STK38: variants seen among roughly 807,000 people sequenced by gnomAD.
The protein encoded by STK38 is serine/threonine kinase 38.
A neutral mutation model predicts 59.0 loss-of-function variants in STK38; 26 were observed. The ratio of observed to expected loss-of-function variants is 0.44; its 90% CI spans 0.32 to 0.61. The LOEUF is 0.61. Ranked by LOEUF, STK38 falls within the 20% of genes least tolerant of loss-of-function variation. The pLI, the probability that STK38 is intolerant of heterozygous loss-of-function variation, is 0.04. For missense variants in STK38, 433 were observed against 566.0 expected (o/e 0.76, Z 2.38); for synonymous variants, 175 against 176.6 (o/e 0.99, Z 0.07).
intron 7 of STK38, among the ~76,000 whole-genome samples, chr6:36,509,906 G>A (rs1777066002): frequency 6.6e-6 from 1 of 152,194 alleles, no homozygotes; most frequent in African/African-American, 2.4e-5. Flanking sequence ...CAGGTCGTCT[G>A]ACCATCTGCC....
chr6:36,537,430 C>A (rs1417959047), intron 2 of STK38, among the ~76,000 whole-genome samples: 2 of 152,070 alleles, frequency 1.3e-5, no homozygotes, highest in African/African-American at 4.8e-5. Flanking sequence ...CAAATGTTCA[C>A]AAGATTGGTA....
At chr6:36,544,043 C>A (rs532067540) in intron 1 of STK38, among the ~76,000 whole-genome samples, 17 of 152,138 alleles carry the variant, frequency 1.1e-4, no homozygotes, top group Non-Finnish European at 1.9e-4. Flanking sequence ...GCTTATAAAA[C>A]ACTTGTTCAA....
chr6:36,514,434 G>A (rs1421924755), intron 7 of STK38, among the ~76,000 whole-genome samples: 4 of 152,046 alleles, frequency 2.6e-5, no homozygotes, highest in Admixed American at 6.6e-5. Context: ...GAAAAATTCA[G>A]TCAAGACAAC....
At chr6:36,515,727 T>C (rs1229965590) in intron 6 of STK38, among the ~76,000 whole-genome samples, 2 of 152,324 alleles carry the variant, frequency 1.3e-5, no homozygotes, top group African/African-American at 4.8e-5. Context: ...TGATTTCTAT[T>C]TTACTTTTGA....
At chr6:36,542,614 A>ACCTGGGT in intron 1 of STK38, among the ~76,000 whole-genome samples, 1 of 152,060 alleles carries the variant, frequency 6.6e-6, no homozygotes, top group African/African-American at 2.4e-5. Context: ...ACTGCACTCC[A>ACCTGGGT]GACTGGGCTA....
At chr6:36,541,932 G>A (rs1374399130) in intron 1 of STK38, among the ~76,000 whole-genome samples, 4 of 151,030 alleles carry the variant, frequency 2.6e-5, no homozygotes, top group African/African-American at 7.3e-5. Context: ...AGGTTCAAGC[G>A]ATTCTCGTGT....
intron 12 of STK38, among the ~76,000 whole-genome samples, chr6:36,497,435 G>A (rs981617781): frequency 3.3e-5 from 5 of 152,064 alleles, no homozygotes; most frequent in Admixed American, 3.3e-4. Flanking sequence ...CTATGTTCCA[G>A]TGATACCTTC....
At position 36,523,696 on chromosome 6, in the gene STK38, G is replaced by A. The variant is rs138788286; in HGVS notation, c.306+645C>T. 2.4e-3 allele frequency among the ~76,000 whole-genome samples: 363 copies of A among 152,304 alleles called. 1 individual carries two copies. Among genetic ancestry groups the A allele is most frequent in the African/African-American group, 8.4e-3 (347 of 41,554 alleles). On this transcript the variant is annotated intron_variant, in intron 4 of 13. Transcript: ENST00000229812. ...TCTTTCAAGCTCTCCCCAACAGATT[G>A]CTCTTGTGCCCAAGCAGGATCATTT...
At position 36,499,962 on chromosome 6, in the gene STK38, T is replaced by C. The variant is rs1248711888; in HGVS notation, c.863A>G (p.Tyr288Cys). The change falls in exon 10 of 14, where the codon TAC (tyrosine) becomes TGC (cysteine). Residue 288 changes from tyrosine (Y) to cysteine (C), a missense_variant. Tyr to Cys is a radical substitution (Grantham distance 194). This residue lies in a region of STK38 where 293 missense variants were observed against 388.2 expected (regional missense o/e 0.75). Transcript: ENST00000229812. Reference sequence around the variant, plus strand: ...CTGCATGAACACCTCAGGAGCAATGTAGTCAGGAGTGCCTACTGTGGAGAA... The same window carrying C: ...CTGCATGAACACCTCAGGAGCAATGCAGTCAGGAGTGCCTACTGTGGAGAA... ...LAFSTVGTPDYIAPEVFMQTG... is the reference protein window; with the variant it reads ...LAFSTVGTPDCIAPEVFMQTG... The C allele has an allele frequency of 2.5e-6, 4 of 1,614,020 alleles. No homozygotes were observed. The Admixed American group carries it at 5.0e-5, about 20-fold the overall frequency.
In STK38 at chr6:36,499,895, C is replaced by T. The variant is rs1776796190; in HGVS notation, c.930G>A (p.Val310=). The T allele has an allele frequency of 1.2e-6, 2 of 1,614,024 alleles. No individual in the cohort carries two copies. The highest frequency in any genetic ancestry group is 1.7e-6 in the Non-Finnish European group (2 of 1,179,946). The change falls in exon 10 of 14, where the codon GTG becomes GTA. Residue 310 remains valine (V), a synonymous_variant. Transcript: ENST00000229812. The stretch of plus-strand genomic sequence containing the variant: ...TACCGATGAGCATCTCATACATGAT[C>T]ACCCCAAGCGACCACCAATCACAGA... ...NKLCDWWSLG[V]IMYEMLIGYP...
chr6:36,527,207 A>AAAAAAAAAAAATATAT (rs60162863), intron 2 of STK38, among the ~76,000 whole-genome samples: 1 of 119,356 alleles, frequency 8.4e-6, no homozygotes, highest in African/African-American at 3.5e-5. Context: ...AAAAAAAAAA[A>AAAAAAAAAAAATATAT]ATATATGTAT....
intron 2 of STK38, among the ~76,000 whole-genome samples, chr6:36,527,831 G>A (rs1777568287): frequency 6.6e-6 from 1 of 151,976 alleles, no homozygotes. Context: ...CAGGTGCGGT[G>A]GCTCACGCCT....
chr6:36,542,870 C>T (rs902689898), intron 1 of STK38, among the ~76,000 whole-genome samples: 5 of 142,848 alleles, frequency 3.5e-5, no homozygotes, highest in East Asian at 2.2e-4. Flanking sequence ...CGCTTGAACC[C>T]GGGAGGCAGA....
Position 36,505,831 on chromosome 6 carries a change from C to T in STK38, c.834+752G>A, listed in dbSNP as rs114897474. On this transcript the variant is annotated intron_variant, in intron 9 of 13. Coordinates refer to ENST00000229812, the MANE Select transcript of STK38 (RefSeq NM_007271.4). ...TGCAAAGCTTAAGAATGTAGTGATA[C>T]GCATTTCTATTATCTGGCCAATAAC... Among the ~76,000 whole-genome samples, 1,015 of 152,262 alleles carry T rather than the reference C, an allele frequency of 6.7e-3. 9 individuals carry two copies. Among genetic ancestry groups the T allele is most frequent in the African/African-American group, 0.021 (885 of 41,548 alleles).
intron 9 of STK38, among the ~76,000 whole-genome samples, chr6:36,500,554 G>C (rs1352226226): frequency 1.3e-5 from 2 of 151,942 alleles, no homozygotes; most frequent in African/African-American, 4.8e-5. Flanking sequence ...GAGGTCAAGA[G>C]ATGGAGACCA....
At chr6:36,501,892 G>A (rs1178499764) in intron 9 of STK38, among the ~76,000 whole-genome samples, 1 of 152,144 alleles carries the variant, frequency 6.6e-6, no homozygotes, top group Non-Finnish European at 1.5e-5. Context: ...AATAACACCT[G>A]AATAAACATT....
intron 2 of STK38, among the ~76,000 whole-genome samples, chr6:36,532,765 A>G (rs1321435276): frequency 6.6e-6 from 1 of 152,054 alleles, no homozygotes; most frequent in Non-Finnish European, 1.5e-5. Context: ...CAGGCATGGT[A>G]GTCCATGTCT....
chr6:36,504,578 C>A (rs913698327), intron 9 of STK38, among the ~76,000 whole-genome samples: 2 of 151,990 alleles, frequency 1.3e-5, no homozygotes, highest in Non-Finnish European at 2.9e-5. Context: ...ATGAAGATGA[C>A]CTTAATTTAC....
At chr6:36,523,283 G>C (rs931044031) in intron 4 of STK38, among the ~76,000 whole-genome samples, 5 of 114,036 alleles carry the variant, frequency 4.4e-5, no homozygotes, top group African/African-American at 6.8e-5. Context: ...TTTTTTTTGA[G>C]ATGGAGTCTT....
Sources: allele counts gnomAD v4.1 joint callset (sites outside exome capture counted in the v4.1 genomes callset), GRCh38; gene constraint gnomAD v4.1.1; regional missense constraint gnomAD v4.1.1; transcripts MANE v1.5; gene names NCBI Gene and HGNC (gene_info 2026-07-23, HGNC 2026-07-21).